The following SGMS2 variants were observed in gnomAD, a reference collection of about 807,000 sequenced individuals.
SGMS2 encodes phosphatidylcholine:ceramide cholinephosphotransferase 2.
A neutral mutation model predicts 43.8 loss-of-function variants in SGMS2; 21 were observed. The ratio of observed to expected loss-of-function variants is 0.48; its 90% confidence interval spans 0.34 to 0.69. The LOEUF (loss-of-function observed/expected upper bound fraction) is 0.69, where lower values mean the gene tolerates loss of function less well. Among genes scored for constraint, SGMS2 ranks in the 30% least tolerant of loss-of-function variants. The pLI is 0.01. For synonymous variants in SGMS2, 167 were observed against 160.6 expected, an observed-to-expected ratio of 1.04 and a Z score of -0.30; for missense variants, 384 against 443.2, an observed-to-expected ratio of 0.87 and a Z score of 1.20.
Position 107,824,956 on chromosome 4 carries a change from G to A in SGMS2, c.-624G>A, listed in dbSNP as rs1578483433. 6.6e-6 allele frequency: 1 copy of A among 151,278 alleles called. No homozygotes were observed. Among genetic ancestry groups the A allele is most frequent in the Non-Finnish European group, 1.5e-5 (1 of 67,804 alleles). The allele number at this position is 151,278 out of a possible 1,614,324, so 9.4% of individuals were successfully genotyped here. A position where few individuals can be genotyped will look rare whatever the true frequency, so the allele number is the denominator to read the frequency against. ...CACTGAGCGCCGCGCCGTGGGCCGA[G>A]TGGGGCGGGGAGACCCAGCCCTCGG... On this transcript the variant is annotated 5_prime_UTR_variant, in exon 1 of 7. In the 5' UTR this introduces an upstream ATG that the reference lacks. Transcript: ENST00000690982.
intron 2 of SGMS2, among the ~76,000 whole-genome samples, chr4:107,861,120 G>A (rs1727709774): frequency 6.6e-6 from 1 of 152,126 alleles, no homozygotes; most frequent in Admixed American, 6.6e-5. Flanking sequence ...ATACATTTTC[G>A]AAAGATGAGA....
chr4:107,868,697 G>C (rs945015779), intron 2 of SGMS2, among the ~76,000 whole-genome samples: 5 of 151,632 alleles, frequency 3.3e-5, no homozygotes, highest in Non-Finnish European at 7.4e-5. Context: ...CAGCCTGGGC[G>C]ACAAAGTGAG....
At chr4:107,825,965 A>C (rs1725566720) in intron 1 of SGMS2, among the ~76,000 whole-genome samples, 1 of 152,106 alleles carries the variant, frequency 6.6e-6, no homozygotes, top group Non-Finnish European at 1.5e-5. Context: ...TTATATTTTG[A>C]AGAGATTCAA....
chr4:107,877,908 C>A (rs368885723), intron 2 of SGMS2, among the ~76,000 whole-genome samples: 3 of 124,350 alleles, frequency 2.4e-5, no homozygotes, highest in African/African-American at 6.5e-5. Flanking sequence ...CTTTCTTTTT[C>A]TTTTCTTTTT....
In SGMS2 at chr4:107,910,564, A is replaced by G; in HGVS notation, c.*11A>G. 6.2e-7 allele frequency: 1 copy of G among 1,613,042 alleles called. No homozygotes were observed. Among genetic ancestry groups the G allele is most frequent in the Non-Finnish European group, 8.5e-7 (1 of 1,179,372 alleles). ...GAGAAATCGACCTGAGGAGCAAAAC[A>G]AAGGCATCAGCTCTTACACCAAAAG... On this transcript the variant is annotated 3_prime_UTR_variant, in exon 7 of 7. Coordinates refer to ENST00000690982, the MANE Select transcript of SGMS2 (RefSeq NM_001375905.1).
At chr4:107,860,508 A>C (rs56342237) in intron 2 of SGMS2, among the ~76,000 whole-genome samples, 88,894 of 151,374 alleles carry the variant, frequency 0.59, 27,239 homozygotes, top group African/African-American at 0.71. Context: ...ATTAAATTGC[A>C]TCTCTGAGAG....
chr4:107,898,829 C>T (rs893107775), intron 3 of SGMS2, among the ~76,000 whole-genome samples: 2 of 152,140 alleles, frequency 1.3e-5, no homozygotes, highest in East Asian at 1.9e-4. Flanking sequence ...GTTAGGACAA[C>T]GTTCTTCTCA....
At chr4:107,830,239 C>T (rs573581252) in intron 1 of SGMS2, among the ~76,000 whole-genome samples, 1 of 152,294 alleles carries the variant, frequency 6.6e-6, no homozygotes, top group East Asian at 1.9e-4. Context: ...CATAGTATTC[C>T]ATGGTATGTA....
At chr4:107,882,213 T>G (rs993123950) in intron 2 of SGMS2, among the ~76,000 whole-genome samples, 3 of 152,214 alleles carry the variant, frequency 2.0e-5, no homozygotes, top group Admixed American at 2.0e-4. Context: ...CTTTACTAAC[T>G]AACATTCCCA....
At chr4:107,849,937 T>C (rs1727045576) in intron 1 of SGMS2, among the ~76,000 whole-genome samples, 1 of 152,220 alleles carries the variant, frequency 6.6e-6, no homozygotes, top group African/African-American at 2.4e-5. Context: ...ATAGTTTGGA[T>C]GTGTGTCCCC....
chr4:107,841,897 T>C (rs953170688), intron 1 of SGMS2, among the ~76,000 whole-genome samples: 1 of 152,086 alleles, frequency 6.6e-6, no homozygotes, highest in African/African-American at 2.4e-5. Context: ...GTAATCCTCC[T>C]GCCTTGGCCT....
intron 2 of SGMS2, among the ~76,000 whole-genome samples, chr4:107,865,801 C>T (rs1728069150): frequency 6.6e-6 from 1 of 152,218 alleles, no homozygotes; most frequent in African/African-American, 2.4e-5. Flanking sequence ...GTGGAAATCC[C>T]CCCACCCCCA....
At position 107,903,083 on chromosome 4, in the gene SGMS2, G is replaced by A. The variant is rs13120015; in HGVS notation, c.574-150G>A. ...AATAAATGAATAAAACCCAGTTTGA[G>A]GAGCTTCTCCTTGGATTCTTTTTGA... is the stretch of plus-strand genomic sequence containing the variant. On this transcript the variant is annotated intron_variant, in intron 4 of 6. Coordinates refer to ENST00000690982, the MANE Select transcript of SGMS2 (RefSeq NM_001375905.1). 29,895 of 705,878 alleles carry A rather than the reference G, an allele frequency of 0.042. 1,427 individuals are homozygous for A. The highest frequency in any genetic ancestry group is 0.2 in the African/African-American group (10,892 of 55,834). 43.7% of individuals were successfully genotyped at this position (705,878 alleles called of 1,614,324 possible). A position where few individuals can be genotyped will look rare whatever the true frequency, so the allele number is the denominator to read the frequency against.
At chr4:107,893,587 A>G (rs1730421898) in intron 2 of SGMS2, 1 of 152,318 alleles carries the variant, frequency 6.6e-6, no homozygotes, top group South Asian at 2.1e-4. Flanking sequence ...CTGGGATGTC[A>G]AAGGCCTGGG....
rs1725496431 is a variant in SGMS2, at chr4:107,825,076, A to C, written c.-504A>C. The stretch of plus-strand genomic sequence containing the variant: ...ACCCGGAGAGCTGCTTCCCCTAGTC[A>C]GGCCGCGGCGTGGGAGGGCGAGACC... On this transcript the variant is annotated 5_prime_UTR_variant, in exon 1 of 7. Transcript: ENST00000690982. The C allele has an allele frequency of 6.6e-6, 1 of 152,042 alleles. No individual in the cohort carries two copies. The highest frequency in any genetic ancestry group is 2.4e-5 in the African/African-American group (1 of 41,370). 9.4% of individuals were successfully genotyped at this position (152,042 alleles called of 1,614,324 possible). A position where few individuals can be genotyped will look rare whatever the true frequency, so the allele number is the denominator to read the frequency against.
intron 1 of SGMS2, among the ~76,000 whole-genome samples, chr4:107,827,067 A>G (rs1475134939): frequency 6.6e-6 from 1 of 152,252 alleles, no homozygotes; most frequent in East Asian, 1.9e-4. Context: ...AAATAATCTT[A>G]GAACTATTAA....
In SGMS2 at chr4:107,899,559, C is replaced by G; in HGVS notation, c.456-16C>G. 6.3e-7 allele frequency: 1 copy of G among 1,581,032 alleles called. No individual in the cohort carries two copies. The highest frequency in any genetic ancestry group is 8.6e-7 in the Non-Finnish European group (1 of 1,160,028). ...CCAGTAAACTTGTTTTTCCCCATCC[C>G]TATTTTTTCTTTTAGGTCAATAGTG... On this transcript the variant is annotated splice_polypyrimidine_tract_variant and intron_variant, in intron 3 of 6. Transcript: ENST00000690982.
At chr4:107,903,937 C>T (rs1021569598) in intron 5 of SGMS2, among the ~76,000 whole-genome samples, 3 of 152,130 alleles carry the variant, frequency 2.0e-5, no homozygotes, top group Non-Finnish European at 2.9e-5. Flanking sequence ...TTTGCCAATA[C>T]CGATTATTTT....
At chr4:107,859,389 A>G (rs1727604210) in intron 2 of SGMS2, among the ~76,000 whole-genome samples, 1 of 152,194 alleles carries the variant, frequency 6.6e-6, no homozygotes, top group South Asian at 2.1e-4. Flanking sequence ...GGTAGTTAAT[A>G]TTATTCAGCA....
Sources: allele counts gnomAD v4.1 joint callset (sites outside exome capture counted in the v4.1 genomes callset), GRCh38; gene constraint gnomAD v4.1.1; transcripts MANE v1.5; gene names NCBI Gene and HGNC (gene_info 2026-07-23, HGNC 2026-07-21).